TLN2: variants seen among roughly 807,000 people sequenced by gnomAD.
TLN2 encodes talin-2.
TLN2 carries 118 observed loss-of-function variants against 294.7 expected under a neutral mutation model. That is an observed-to-expected ratio of 0.40 (90% confidence interval 0.34 to 0.47). The LOEUF is 0.47. Among genes scored for constraint, TLN2 ranks in the 20% least tolerant of loss-of-function variants. TLN2 has a pLI of 0.84. For missense variants in TLN2, 3,083 were observed against 3,282.2 expected (o/e 0.94, Z 1.48); for synonymous variants, 1,431 against 1,304.5 (o/e 1.10, Z -2.09).
chr15:62,552,031 G>T, intron 1 of TLN2, among the ~76,000 whole-genome samples: 1 of 152,204 alleles, frequency 6.6e-6, no homozygotes, highest in Non-Finnish European at 1.5e-5. Flanking sequence ...TCTTGACATT[G>T]TTCGCTTTTT....
chr15:62,598,034 C>A (rs1379322578), intron 2 of TLN2, among the ~76,000 whole-genome samples: 1 of 152,108 alleles, frequency 6.6e-6, no homozygotes, highest in Non-Finnish European at 1.5e-5. Flanking sequence ...CCCAGGCTGT[C>A]GTGTGTTGGA....
At position 62,796,147 on chromosome 15, in the gene TLN2, T is replaced by C. The variant is rs2065462349; in HGVS notation, c.5904T>C (p.Ala1968=). 6.2e-7 allele frequency: 1 copy of C among 1,614,066 alleles called. No homozygotes were observed. Among genetic ancestry groups the C allele is most frequent in the Non-Finnish European group, 8.5e-7 (1 of 1,180,024 alleles). Residue 1968 remains alanine (A), a synonymous_variant, in exon 47 of 59, where the codon GCT becomes GCC. Transcript: ENST00000636159. The part of the protein sequence containing the change: ...VTEKVSLVLS[A]LQAGNKGTQA... ...TACAGGTCTCCTTGGTGCTCTCGGCTCTCCAGGCCGGGAACAAAGGAACCC... is the reference window on the plus strand; with the variant it reads ...TACAGGTCTCCTTGGTGCTCTCGGCCCTCCAGGCCGGGAACAAAGGAACCC...
At position 62,697,568 on chromosome 15, in the gene TLN2, G is replaced by A. The variant is rs28459545; in HGVS notation, c.1293-120G>A. 165 of 1,069,386 alleles carry A rather than the reference G, an allele frequency of 1.5e-4. 1 individual carries two copies. Among genetic ancestry groups the A allele is most frequent in the Non-Finnish European group, 1.9e-4 (143 of 743,220 alleles). The allele number at this position is 1,069,386 out of a possible 1,614,324, so 66.2% of individuals were successfully genotyped here. A position where few individuals can be genotyped will look rare whatever the true frequency, so the allele number is the denominator to read the frequency against. On this transcript the variant is annotated intron_variant, in intron 14 of 58. Coordinates refer to ENST00000636159, the MANE Select transcript of TLN2 (RefSeq NM_015059.3). Reference sequence around the variant, plus strand: ...CATTCCTGCTTCTCAGTCTGTATGTGCCTCTTTTAGTTGGCCTTCACAGCA... The same window carrying A: ...CATTCCTGCTTCTCAGTCTGTATGTACCTCTTTTAGTTGGCCTTCACAGCA...
intron 3 of TLN2, among the ~76,000 whole-genome samples, chr15:62,631,055 C>T (rs1317406430): frequency 6.6e-6 from 1 of 152,008 alleles, no homozygotes; most frequent in Non-Finnish European, 1.5e-5. Context: ...CCTTTTCTCA[C>T]CCAGGATAGT....
chr15:62,611,435 G>A (rs895211348), intron 2 of TLN2, among the ~76,000 whole-genome samples: 3 of 152,174 alleles, frequency 2.0e-5, no homozygotes, highest in African/African-American at 7.2e-5. Context: ...TTGATAGACA[G>A]TAGTCCCCAG....
At chr15:62,590,122 T>TG (rs1344104630) in intron 2 of TLN2, among the ~76,000 whole-genome samples, 1 of 152,318 alleles carries the variant, frequency 6.6e-6, no homozygotes, top group Admixed American at 6.5e-5. Context: ...GGGTAAGTGC[T>TG]GGGTAAGGAA....
chr15:62,526,997 A>G (rs2040773982), intron 1 of TLN2, among the ~76,000 whole-genome samples: 1 of 152,240 alleles, frequency 6.6e-6, no homozygotes, highest in Non-Finnish European at 1.5e-5. Context: ...TTTACAATAT[A>G]CATACATGCA....
chr15:62,737,992 G>C (rs920099239), intron 29 of TLN2, among the ~76,000 whole-genome samples: 1 of 152,110 alleles, frequency 6.6e-6, no homozygotes. Flanking sequence ...TCACTGTGTC[G>C]GACCCTTTGC....
intron 9 of TLN2, among the ~76,000 whole-genome samples, chr15:62,671,742 C>A (rs539740520): frequency 6.6e-6 from 1 of 152,266 alleles, no homozygotes; most frequent in East Asian, 1.9e-4. Context: ...CTCCTTTTCA[C>A]CACTACTACC....
intron 52 of TLN2, among the ~76,000 whole-genome samples, chr15:62,815,821 GC>G (rs1352507592): frequency 6.6e-6 from 1 of 152,148 alleles, no homozygotes; most frequent in Non-Finnish European, 1.5e-5. Context: ...TGCTTCAGAT[GC>G]TTATATTTTA....
At chr15:62,459,006 T>G (rs1254954213) in intron 1 of TLN2, among the ~76,000 whole-genome samples, 1 of 151,900 alleles carries the variant, frequency 6.6e-6, no homozygotes, top group Non-Finnish European at 1.5e-5. Context: ...CTCTATTTTT[T>G]TTTTCTTTTT....
At chr15:62,391,158 C>T (rs554121834) in intron 1 of TLN2, among the ~76,000 whole-genome samples, 1 of 152,364 alleles carries the variant, frequency 6.6e-6, no homozygotes, top group South Asian at 2.1e-4. Context: ...TTCATTCCAG[C>T]ACTGGCCGCC....
chr15:62,504,552 G>A (rs1040351346), intron 1 of TLN2, among the ~76,000 whole-genome samples: 3 of 152,214 alleles, frequency 2.0e-5, no homozygotes, highest in Non-Finnish European at 2.9e-5. Flanking sequence ...TTTCATCAAA[G>A]GGGCCACTGT....
intron 3 of TLN2, among the ~76,000 whole-genome samples, chr15:62,639,170 C>CT (rs2050711198): frequency 6.6e-6 from 1 of 152,168 alleles, no homozygotes; most frequent in South Asian, 2.1e-4. Flanking sequence ...TTATTGCTCT[C>CT]TGAGGCCAGC....
At chr15:62,774,329 C>G (rs1175150531) in intron 42 of TLN2, among the ~76,000 whole-genome samples, 1 of 152,066 alleles carries the variant, frequency 6.6e-6, no homozygotes. Flanking sequence ...TGTGTGGTGC[C>G]ATGAGGAACA....
intron 9 of TLN2, among the ~76,000 whole-genome samples, chr15:62,663,778 G>C (rs6494341): frequency 0.86 from 130,130 of 151,902 alleles, 58,395 homozygotes; most frequent in Non-Finnish European, 0.98. Flanking sequence ...ATAAAAGGAA[G>C]TCTGAGTAAA....
intron 2 of TLN2, among the ~76,000 whole-genome samples, chr15:62,600,209 C>T (rs2046873699): frequency 6.6e-6 from 1 of 152,124 alleles, no homozygotes; most frequent in Non-Finnish European, 1.5e-5. Flanking sequence ...GAGGGCTGTT[C>T]AGGACTGATG....
At position 62,681,696 on chromosome 15, in the gene TLN2, A is replaced by G. The variant is rs556442306; in HGVS notation, c.958-4945A>G. Among the ~76,000 whole-genome samples the G allele has an allele frequency of 2.0e-5, 3 of 152,332 alleles. No individual in the cohort carries two copies. The East Asian group carries it at 5.8e-4, about 29-fold the overall frequency. On this transcript the variant is annotated intron_variant, in intron 11 of 58. Coordinates refer to ENST00000636159, the MANE Select transcript of TLN2 (RefSeq NM_015059.3). ...CAGTTTCTTCATCTGAAAAATAGGA[A>G]TAATTCCTTAAAGAGCTCTAATGAC...
At chr15:62,710,994 G>A (rs2059397526) in intron 21 of TLN2, among the ~76,000 whole-genome samples, 1 of 151,956 alleles carries the variant, frequency 6.6e-6, no homozygotes, top group Non-Finnish European at 1.5e-5. Flanking sequence ...CCAAAGTGCT[G>A]GGATTACAGG....
Sources: allele counts gnomAD v4.1 joint callset (sites outside exome capture counted in the v4.1 genomes callset), GRCh38; gene constraint gnomAD v4.1.1; transcripts MANE v1.5; gene names NCBI Gene and HGNC (gene_info 2026-07-23, HGNC 2026-07-21).